Variants in BBX observed in about 807,000 individuals in gnomAD.
BBX encodes the protein HMG box transcription factor BBX.
In BBX, 30 loss-of-function variants were observed where a neutral mutation model predicts 100.2. The observed-to-expected ratio is 0.30, with a 90% CI of 0.22 to 0.41. The LOEUF is 0.41. Ranked by LOEUF, BBX falls within the 10% of genes least tolerant of loss-of-function variation. The pLI is 1.00. For synonymous variants in BBX, 376 were observed against 388.1 expected, an observed-to-expected ratio of 0.97 and a Z score of 0.37; for missense variants, 1,023 against 1,129.8, an observed-to-expected ratio of 0.91 and a Z score of 1.35.
At chr3:107,696,759 G>A (rs1374766750) in intron 3 of BBX, among the ~76,000 whole-genome samples, 2 of 151,296 alleles carry the variant, frequency 1.3e-5, no homozygotes, top group African/African-American at 4.9e-5. Flanking sequence ...TGCTAGATTG[G>A]GGAAGTTCTC....
At chr3:107,704,084 T>A (rs544712289) in intron 3 of BBX, among the ~76,000 whole-genome samples, 67 of 152,336 alleles carry the variant, frequency 4.4e-4, no homozygotes, top group African/African-American at 1.6e-3. Context: ...CTACTTGCCA[T>A]GTTATCCTGT....
At chr3:107,688,609 T>C (rs2059980585) in intron 3 of BBX, among the ~76,000 whole-genome samples, 2 of 152,224 alleles carry the variant, frequency 1.3e-5, no homozygotes, top group African/African-American at 2.4e-5. Flanking sequence ...TTATATATTA[T>C]CTATTCCCTA....
At chr3:107,747,871 T>A in intron 8 of BBX, 94 bp from the exon 9 acceptor site, 1 of 991,716 alleles carries the variant, frequency 1.0e-6, no homozygotes, top group Admixed American at 2.3e-5. Flanking sequence ...TTTAAATCTT[T>A]ATCAGTGTCT....
chr3:107,678,130 T>C (rs2059382061), intron 3 of BBX, among the ~76,000 whole-genome samples: 1 of 152,092 alleles, frequency 6.6e-6, no homozygotes, highest in Non-Finnish European at 1.5e-5. Flanking sequence ...TTTTTCCCAC[T>C]TATCTTCAGT....
At chr3:107,724,498 A>G (rs1576511892) in intron 5 of BBX, among the ~76,000 whole-genome samples, 3 of 152,150 alleles carry the variant, frequency 2.0e-5, no homozygotes, top group South Asian at 4.1e-4. Flanking sequence ...TATGTCCTGA[A>G]TGCTATTGCC....
chr3:107,699,125 G>A (rs1027383185), intron 3 of BBX, among the ~76,000 whole-genome samples: 12 of 151,770 alleles, frequency 7.9e-5, no homozygotes, highest in Non-Finnish European at 2.9e-5. Flanking sequence ...ACAGTTGAGT[G>A]TGATATAAAG....
At chr3:107,678,101 C>T (rs897968420) in intron 3 of BBX, among the ~76,000 whole-genome samples, 17 of 152,150 alleles carry the variant, frequency 1.1e-4, no homozygotes, top group Admixed American at 7.2e-4. Context: ...GAATCAGGCT[C>T]TTATATTCTA....
chr3:107,658,980 T>G (rs2058297269), intron 3 of BBX, among the ~76,000 whole-genome samples: 2 of 152,180 alleles, frequency 1.3e-5, no homozygotes, highest in African/African-American at 4.8e-5. Context: ...TGGCAACTAC[T>G]GACCCCAGTT....
Position 107,805,265 on chromosome 3 carries a change from G to A in BBX, c.2739-105G>A. The A allele has an allele frequency of 3.3e-6, 4 of 1,229,786 alleles. No individual in the cohort carries two copies. The South Asian group carries it at 6.9e-5, about 21-fold the overall frequency. 76.2% of individuals were successfully genotyped at this position (1,229,786 alleles called of 1,614,324 possible). A position where few individuals can be genotyped will look rare whatever the true frequency, so the allele number is the denominator to read the frequency against. On this transcript the variant is annotated intron_variant, in intron 17 of 17. Transcript: ENST00000325805. The stretch of plus-strand genomic sequence containing the variant: ...TCATTAAATGATGTAAGTAACAGCA[G>A]TAACTGTTAAACAAGATATTGGAAC...
intron 2 of BBX, among the ~76,000 whole-genome samples, chr3:107,574,323 C>T (rs1040546755): frequency 2.0e-5 from 3 of 152,148 alleles, no homozygotes; most frequent in Non-Finnish European, 2.9e-5. Context: ...AACCTGGCAT[C>T]GTCTTACTGC....
At chr3:107,608,055 T>G (rs13068274) in intron 2 of BBX, among the ~76,000 whole-genome samples, 1,542 of 152,254 alleles carry the variant, frequency 0.01, 13 homozygotes, top group South Asian at 0.042. Context: ...GCAAGAAACT[T>G]TTTGACTTGA....
rs140313271 is a variant in BBX, at chr3:107,798,549, A to G, written c.2380A>G (p.Met794Val). 5 of 1,614,006 alleles carry G rather than the reference A, an allele frequency of 3.1e-6. No homozygotes were observed. The African/African-American group carries it at 4.0e-5, about 13-fold the overall frequency. ...EAIFSEDRNT[M>V]EPVHKVKNIP... is the part of the protein sequence containing the mutation. ...CATATTTTCAGAAGACAGAAACACC[A>G]TGGAGCCTGTTCATAAGGTTAAAAA... is the stretch of plus-strand genomic sequence containing the variant. The change falls in exon 16 of 18, where the codon ATG becomes GTG. Residue 794 changes from methionine (M) to valine (V), a missense_variant. This residue lies in a region of BBX where 215 missense variants were observed against 211.3 expected (regional missense o/e 1.02). Transcript: ENST00000325805.
At chr3:107,801,715 G>A (rs1313990093) in intron 17 of BBX, among the ~76,000 whole-genome samples, 1 of 152,102 alleles carries the variant, frequency 6.6e-6, no homozygotes, top group Non-Finnish European at 1.5e-5. Context: ...GAGATGTTAT[G>A]TGGGGTAACT....
intron 2 of BBX, among the ~76,000 whole-genome samples, chr3:107,635,688 A>T (rs1246150114): frequency 6.6e-6 from 1 of 151,950 alleles, no homozygotes; most frequent in Non-Finnish European, 1.5e-5. Context: ...CTTTTCAGGA[A>T]GTATATATGT....
At chr3:107,779,040 T>G (rs946140829) in intron 13 of BBX, among the ~76,000 whole-genome samples, 1 of 104,464 alleles carries the variant, frequency 9.6e-6, no homozygotes, top group Non-Finnish European at 2.3e-5. Flanking sequence ...CACACACATA[T>G]ACATTGGTTT....
At chr3:107,617,501 C>G (rs1424068694) in intron 2 of BBX, among the ~76,000 whole-genome samples, 1 of 152,100 alleles carries the variant, frequency 6.6e-6, no homozygotes, top group Non-Finnish European at 1.5e-5. Flanking sequence ...TTTTCTAATT[C>G]ATGAACACTG....
In BBX at chr3:107,759,201, G is replaced by T. The variant is rs376167182; in HGVS notation, c.906+3523G>T. 6.6e-5 allele frequency among the ~76,000 whole-genome samples: 10 copies of T among 152,198 alleles called. 1 individual carries two copies. The highest frequency in any genetic ancestry group is 5.9e-4 in the Admixed American group (9 of 15,282). ...CCCTGGAGCCAGGAGATTTCCTGGG[G>T]AAGGTCCTAATTCAGGCATATGATT... On this transcript the variant is annotated intron_variant, in intron 10 of 17. Transcript: ENST00000325805.
chr3:107,645,975 T>C (rs1434845506), intron 3 of BBX, 66 bp downstream of exon 3: 3 of 152,656 alleles, frequency 2.0e-5, no homozygotes, highest in South Asian at 2.1e-4. Context: ...TCAAGAATTA[T>C]GTGCTGTCAG....
At chr3:107,781,567 T>G (rs1290479269) in intron 13 of BBX, among the ~76,000 whole-genome samples, 1 of 152,146 alleles carries the variant, frequency 6.6e-6, no homozygotes, top group Non-Finnish European at 1.5e-5. Context: ...AATTGTAACT[T>G]CCTAAGAGAT....
Sources: gnomAD v4.1 joint callset for allele counts (sites outside exome capture counted in the v4.1 genomes callset) on GRCh38, gnomAD v4.1.1 for gene constraint, gnomAD v4.1.1 regional missense constraint, MANE v1.5 for transcripts, NCBI Gene and HGNC (gene_info 2026-07-23, HGNC 2026-07-21) for gene names.